Variants in NIPBL observed in about 807,000 individuals in gnomAD.
NIPBL encodes the protein nipped-B-like protein.
In NIPBL, 19 loss-of-function variants were observed where a neutral mutation model predicts 321.8. The observed-to-expected ratio is 0.06, with a 90% CI of 0.04 to 0.09. The LOEUF (loss-of-function observed/expected upper bound fraction) is 0.09, where lower values mean the gene tolerates loss of function less well. NIPBL is among the 10% of genes least tolerant of loss of function. The probability of loss-of-function intolerance (pLI) is 1.00; values close to 1 mark genes in which losing one functional copy is unlikely to be tolerated. For synonymous variants in NIPBL, 1,106 were observed against 1,114.1 expected, an observed-to-expected ratio of 0.99 and a Z score of 0.14; for missense variants, 2,210 against 3,327.0, an observed-to-expected ratio of 0.66 and a Z score of 8.26.
intron 1 of NIPBL, among the ~76,000 whole-genome samples, chr5:36,882,689 G>T (rs547586336): frequency 6.6e-6 from 1 of 151,914 alleles, no homozygotes. Context: ...CAGCTAAAAT[G>T]TATCTAATTC....
intron 1 of NIPBL, among the ~76,000 whole-genome samples, chr5:36,952,373 G>A (rs142292394): frequency 4.7e-4 from 71 of 152,106 alleles, no homozygotes; most frequent in Middle Eastern, 3.4e-3. Flanking sequence ...TTACAATTCC[G>A]TTTTTAATCT....
chr5:36,971,886 A>T, intron 7 of NIPBL, 59 bp from the exon 8 acceptor site: 1 of 1,557,166 alleles, frequency 6.4e-7, no homozygotes, highest in Non-Finnish European at 8.8e-7. Flanking sequence ...GTTCTCTTTT[A>T]AGATTTCTAT....
intron 31 of NIPBL, among the ~76,000 whole-genome samples, 185 bp downstream of exon 31, chr5:37,026,512 T>A (rs146288914): frequency 2.0e-5 from 3 of 152,324 alleles, no homozygotes; most frequent in Non-Finnish European, 4.4e-5. Context: ...GATGCTTCCA[T>A]ATAGCCCTAC....
intron 10 of NIPBL, among the ~76,000 whole-genome samples, chr5:36,988,140 A>G (rs1282287308): frequency 6.6e-6 from 1 of 152,172 alleles, no homozygotes; most frequent in African/African-American, 2.4e-5. Context: ...AGAAGTGAAT[A>G]TAGCTTTTAG....
rs1755265480 is a variant in NIPBL at position 37,065,288 on chromosome 5, T to C, written c.*396T>C. The C allele has an allele frequency of 9.3e-6, 2 of 216,108 alleles. No individual in the cohort carries two copies. Among genetic ancestry groups the C allele is most frequent in the Admixed American group, 5.4e-5 (1 of 18,584 alleles). The allele number at this position is 216,108 out of a possible 1,614,324, so 13.4% of individuals were successfully genotyped here. A position where few individuals can be genotyped will look rare whatever the true frequency, so the allele number is the denominator to read the frequency against. On this transcript the variant is annotated 3_prime_UTR_variant, in exon 47 of 47. Coordinates refer to ENST00000282516, the MANE Select transcript of NIPBL (RefSeq NM_133433.4). ...GCCCAGTTTCCAGGGAAGCATTGTT[T>C]TTTCCAGGCTGTAAAATGGCAGAAT...
At chr5:37,044,300 C>A (rs1283919651) in intron 34 of NIPBL, 47 bp from the exon 35 acceptor site, 1 of 1,562,848 alleles carries the variant, frequency 6.4e-7, no homozygotes, top group Non-Finnish European at 8.8e-7. Context: ...TATATAGTTT[C>A]TTTTCAGGTT....
chr5:37,026,084 C>T (rs1362644599), intron 30 of NIPBL, 145 bp from the exon 31 acceptor site: 1 of 602,644 alleles, frequency 1.7e-6, no homozygotes, highest in African/African-American at 1.9e-5. Context: ...TTAGAAAAAA[C>T]TGAGGAAATT....
chr5:36,898,333 A>T (rs887491189), intron 1 of NIPBL, among the ~76,000 whole-genome samples: 2 of 151,364 alleles, frequency 1.3e-5, no homozygotes, highest in Non-Finnish European at 3.0e-5. Context: ...TCCTGCCTTT[A>T]AAAAAAAATT....
intron 38 of NIPBL, among the ~76,000 whole-genome samples, chr5:37,047,768 G>C (rs756207468): frequency 6.6e-6 from 1 of 152,160 alleles, no homozygotes; most frequent in Non-Finnish European, 1.5e-5. Context: ...TTTGAGTTTA[G>C]TTTGTTGTTT....
intron 36 of NIPBL, 116 bp downstream of exon 36, chr5:37,044,845 C>T (rs1752809010): frequency 2.7e-6 from 2 of 735,360 alleles, no homozygotes; most frequent in South Asian, 1.6e-5. Flanking sequence ...TGTGATTATC[C>T]ACCGTGGTCC....
At chr5:36,943,662 T>C (rs1290795650) in intron 1 of NIPBL, among the ~76,000 whole-genome samples, 1 of 152,086 alleles carries the variant, frequency 6.6e-6, no homozygotes, top group Non-Finnish European at 1.5e-5. Flanking sequence ...AAAAGTCAGA[T>C]TTAGAGATAC....
intron 1 of NIPBL, among the ~76,000 whole-genome samples, chr5:36,906,138 C>G (rs560281511): frequency 2.4e-4 from 36 of 152,230 alleles, no homozygotes; most frequent in Admixed American, 3.9e-4. Flanking sequence ...ATCAATACAT[C>G]ATGATAAATC....
In NIPBL at chr5:36,976,259, C is replaced by T. The variant is rs1554015273; in HGVS notation, c.1352C>T (p.Ser451Phe). ...GTTGCTGCAAAACAACCCCAGACTT[C>T]TGTGGTACAGAATCAACAACAGATA... Reference protein sequence around the residue: ...TSVAAKQPQTSVVQNQQQISQ... With the variant: ...TSVAAKQPQTFVVQNQQQISQ... Residue 451 changes from serine to phenylalanine, a missense_variant, in exon 9 of 47, where the codon TCT becomes TTT. Around this residue, in one of 14 missense-constraint regions of NIPBL, gnomAD observed 464 missense variants for 529.5 expected, o/e 0.88. Coordinates refer to ENST00000282516, the MANE Select transcript of NIPBL (RefSeq NM_133433.4). 3 of 1,613,830 alleles carry T rather than the reference C, an allele frequency of 1.9e-6. No homozygotes were observed. Among genetic ancestry groups the T allele is most frequent in the Non-Finnish European group, 2.5e-6 (3 of 1,179,862 alleles).
intron 1 of NIPBL, among the ~76,000 whole-genome samples, chr5:36,923,099 C>G (rs1488141350): frequency 6.6e-6 from 1 of 151,938 alleles, no homozygotes; most frequent in Non-Finnish European, 1.5e-5. Flanking sequence ...CCATCCTGGC[C>G]AACATACAAA....
At chr5:37,049,084 G>T in intron 39 of NIPBL, 27 bp from the exon 40 acceptor site, 1 of 1,610,424 alleles carries the variant, frequency 6.2e-7, no homozygotes, top group Non-Finnish European at 8.5e-7. Context: ...CTCTTAATGT[G>T]TGTTTATCCT....
intron 8 of NIPBL, among the ~76,000 whole-genome samples, chr5:36,974,094 G>A (rs1340854711): frequency 6.6e-6 from 1 of 152,198 alleles, no homozygotes. Context: ...TATCCCACAA[G>A]TGTTGTCAAG....
Position 37,010,329 on chromosome 5 carries a change from T to C in NIPBL, c.4560+104T>C, listed in dbSNP as rs1747965941. The C allele has an allele frequency of 2.9e-6, 3 of 1,027,394 alleles. No homozygotes were observed. The East Asian group carries it at 8.2e-5, about 28-fold the overall frequency. The allele number at this position is 1,027,394 out of a possible 1,614,324, so 63.6% of individuals were successfully genotyped here. A position where few individuals can be genotyped will look rare whatever the true frequency, so the allele number is the denominator to read the frequency against. On this transcript the variant is annotated intron_variant, in intron 21 of 46. Transcript: ENST00000282516. ...TGAAGTTCTTTTTTTTTCTTTCTTTTTTTTGAGACGGAGTCTCGCTCTGTC... is the reference window on the plus strand; with the variant it reads ...TGAAGTTCTTTTTTTTTCTTTCTTTCTTTTGAGACGGAGTCTCGCTCTGTC...
At position 36,994,804 on chromosome 5, in the gene NIPBL, T is replaced by G. The variant is rs115206389; in HGVS notation, c.3122-818T>G. Among the ~76,000 whole-genome samples, 1,244 of 152,274 alleles carry G rather than the reference T, an allele frequency of 8.2e-3. 23 individuals are homozygous for G. Among genetic ancestry groups the G allele is most frequent in the African/African-American group, 0.028 (1,181 of 41,578 alleles). ...TTTCTTCATAAGAACTATTTGTGTA[T>G]GTGTTTGTGTGTATGTGTGTAGGAT... is the stretch of plus-strand genomic sequence containing the variant. On this transcript the variant is annotated intron_variant, in intron 10 of 46. Transcript: ENST00000282516.
rs794727010 is a variant in NIPBL at position 36,985,923 on chromosome 5, A to C, written c.2743A>C (p.Ser915Arg). The C allele has an allele frequency of 1.2e-6, 2 of 1,613,860 alleles. No individual in the cohort carries two copies. The highest frequency in any genetic ancestry group is 2.7e-5 in the African/African-American group (2 of 74,916). The part of the protein sequence containing the change: ...SDKLGFKSPT[S>R]KDDKRTEGNK... ...TAAACTTGGTTTTAAATCACCAACT[A>C]GTAAAGATGACAAAAGGACAGAGGG... The change falls in exon 10 of 47, where the codon AGT becomes CGT. Residue 915 changes from serine to arginine, a missense_variant. Ser to Arg is a moderately radical substitution (Grantham distance 110). Coordinates refer to ENST00000282516, the MANE Select transcript of NIPBL (RefSeq NM_133433.4).
Sources: allele counts gnomAD v4.1 joint callset (sites outside exome capture counted in the v4.1 genomes callset), GRCh38; gene constraint gnomAD v4.1.1; regional missense constraint gnomAD v4.1.1; transcripts MANE v1.5; gene names NCBI Gene and HGNC (gene_info 2026-07-23, HGNC 2026-07-21).